MAPRE2: variants seen among roughly 807,000 people sequenced by gnomAD.
MAPRE2 encodes the protein microtubule-associated protein RP/EB family member 2.
MAPRE2 carries 13 observed loss-of-function variants against 43.2 expected under a neutral mutation model. That is an observed-to-expected ratio of 0.30 (90% confidence interval 0.20 to 0.48). The LOEUF (loss-of-function observed/expected upper bound fraction) is 0.48. Ranked by LOEUF, MAPRE2 falls within the 20% of genes least tolerant of loss-of-function variation. MAPRE2 has a pLI of 0.99. For missense variants in MAPRE2, 161 were observed against 400.2 expected (o/e 0.40, Z 5.10); for synonymous variants, 135 against 148.8 (o/e 0.91, Z 0.68).
intron 1 of MAPRE2, among the ~76,000 whole-genome samples, chr18:34,984,197 A>G (rs2097017842): frequency 6.6e-6 from 1 of 152,198 alleles, no homozygotes; most frequent in African/African-American, 2.4e-5. Context: ...ATATTTGAAA[A>G]TAATAACTAC....
intron 3 of MAPRE2, among the ~76,000 whole-genome samples, chr18:35,101,662 A>G (rs191796508): frequency 3.7e-4 from 56 of 152,234 alleles, no homozygotes; most frequent in Non-Finnish European, 7.5e-4. Flanking sequence ...TGCCTGGCTT[A>G]TTTCACTTAG....
chr18:35,026,350 T>C (rs2097045160), intron 2 of MAPRE2, among the ~76,000 whole-genome samples: 1 of 152,230 alleles, frequency 6.6e-6, no homozygotes, highest in Non-Finnish European at 1.5e-5. Flanking sequence ...TCATTAAATG[T>C]ACTGTGTATT....
intron 2 of MAPRE2, among the ~76,000 whole-genome samples, chr18:35,015,633 AGTGTGTGTGTGT>A (rs3082290): frequency 5.4e-4 from 73 of 134,888 alleles, no homozygotes; most frequent in East Asian, 2.0e-3. Context: ...TAGGGATGGC[AGTGTGTGTGTGT>A]GTGTGTGTGT....
chr18:34,996,311 G>A, intron 1 of MAPRE2, among the ~76,000 whole-genome samples: 1 of 152,136 alleles, frequency 6.6e-6, no homozygotes. Flanking sequence ...GGATGAAACT[G>A]TTCCACCTCA....
At chr18:35,010,852 G>A (rs1271717721) in intron 2 of MAPRE2, among the ~76,000 whole-genome samples, 1 of 152,146 alleles carries the variant, frequency 6.6e-6, no homozygotes. Context: ...TAAATATAGA[G>A]AGGTAGATGG....
intron 1 of MAPRE2, among the ~76,000 whole-genome samples, chr18:34,977,474 C>G (rs1233640421): frequency 6.6e-6 from 1 of 152,324 alleles, no homozygotes; most frequent in Non-Finnish European, 1.5e-5. Flanking sequence ...CGCGACTGCG[C>G]GACCGCGGCG....
chr18:35,028,553 GA>G (rs772025679), intron 2 of MAPRE2, among the ~76,000 whole-genome samples: 28 of 152,170 alleles, frequency 1.8e-4, no homozygotes, highest in Admixed American at 5.2e-4. Flanking sequence ...TCTAATTTTA[GA>G]AAAACCTAGA....
At chr18:34,990,939 T>C (rs1402008788) in intron 1 of MAPRE2, among the ~76,000 whole-genome samples, 2 of 152,188 alleles carry the variant, frequency 1.3e-5, no homozygotes, top group Non-Finnish European at 2.9e-5. Context: ...GGTCTTTTCA[T>C]TGTGGAAGGA....
Position 35,083,151 on chromosome 18 carries a change from CTCT to C in MAPRE2, c.250+12834_250+12836del, listed in dbSNP as rs948258233. Reference sequence around the variant, plus strand: ...TTCAGATTCTTACCTTCTACTCAAGCTCTTCTTAAGTCTTACCTTAAATTTAAG... The same window carrying C: ...TTCAGATTCTTACCTTCTACTCAAGCTCTTAAGTCTTACCTTAAATTTAAG... On this transcript the variant is annotated intron_variant, in intron 2 of 6. Transcript: ENST00000300249. Among the ~76,000 whole-genome samples the C allele has an allele frequency of 1.4e-4, 22 of 152,296 alleles. No individual in the cohort carries two copies. The East Asian group carries it at 2.5e-3, about 17-fold the overall frequency.
At chr18:35,086,492 C>T (rs1037548639) in intron 2 of MAPRE2, among the ~76,000 whole-genome samples, 1 of 151,880 alleles carries the variant, frequency 6.6e-6, no homozygotes, top group African/African-American at 2.4e-5. Flanking sequence ...ATAGCTGATA[C>T]TTCTAACACC....
intron 5 of MAPRE2, among the ~76,000 whole-genome samples, chr18:35,128,654 G>A (rs2144241382): frequency 6.6e-6 from 1 of 152,238 alleles, no homozygotes; most frequent in Admixed American, 6.5e-5. Context: ...AGCATCCATG[G>A]GTTTTCATAT....
chr18:34,985,239 A>G (rs1299614471), intron 1 of MAPRE2, among the ~76,000 whole-genome samples: 1 of 61,004 alleles, frequency 1.6e-5, no homozygotes, highest in Admixed American at 3.2e-4. Context: ...TATATATTAT[A>G]TAATATAAAA....
chr18:35,100,825 G>A (rs546715703), intron 3 of MAPRE2, among the ~76,000 whole-genome samples: 1 of 152,256 alleles, frequency 6.6e-6, no homozygotes, highest in East Asian at 1.9e-4. Flanking sequence ...TGGATCACCT[G>A]AGGTCAGGAG....
chr18:35,117,734 T>C (rs1467879546), intron 4 of MAPRE2, among the ~76,000 whole-genome samples: 1 of 152,144 alleles, frequency 6.6e-6, no homozygotes, highest in Non-Finnish European at 1.5e-5. Flanking sequence ...TCTGTTGCTC[T>C]GAGAATGATC....
At chr18:35,075,667 A>T (rs1360806525) in intron 2 of MAPRE2, among the ~76,000 whole-genome samples, 2 of 152,012 alleles carry the variant, frequency 1.3e-5, no homozygotes, top group African/African-American at 4.8e-5. Flanking sequence ...TTTTTTGCTG[A>T]CAGTTTTTTT....
chr18:35,125,938 A>C (rs139642330), intron 4 of MAPRE2, among the ~76,000 whole-genome samples: 1 of 152,340 alleles, frequency 6.6e-6, no homozygotes, highest in African/African-American at 2.4e-5. Context: ...AGAGTAACAC[A>C]TGTAAATATC....
chr18:34,980,486 G>A (rs1380547316), intron 1 of MAPRE2, among the ~76,000 whole-genome samples: 4 of 152,070 alleles, frequency 2.6e-5, no homozygotes, highest in Non-Finnish European at 5.9e-5. Flanking sequence ...CCAAAGCAGG[G>A]GCACAGACTC....
intron 2 of MAPRE2, among the ~76,000 whole-genome samples, chr18:35,011,778 TAGAA>T: frequency 6.6e-6 from 1 of 152,226 alleles, no homozygotes; most frequent in South Asian, 2.1e-4. Context: ...ACCAACCTAA[TAGAA>T]AGGACTGGGG....
At chr18:35,122,672 T>G (rs1348128605) in intron 4 of MAPRE2, among the ~76,000 whole-genome samples, 3 of 152,184 alleles carry the variant, frequency 2.0e-5, no homozygotes, top group Admixed American at 6.5e-5. Context: ...ATCCCACATG[T>G]GTGTAGGTGG....
Sources: gnomAD v4.1 joint callset for allele counts (sites outside exome capture counted in the v4.1 genomes callset) on GRCh38, gnomAD v4.1.1 for gene constraint, MANE v1.5 for transcripts, NCBI Gene and HGNC (gene_info 2026-07-23, HGNC 2026-07-21) for gene names.